Variants in AFP observed in about 807,000 individuals in gnomAD.
The protein encoded by AFP is alpha-fetoprotein.
In AFP, 64 loss-of-function variants were observed where a neutral mutation model predicts 78.9. The ratio of observed to expected loss-of-function variants is 0.81; its 90% CI spans 0.66 to 1.00. The LOEUF (loss-of-function observed/expected upper bound fraction) is 1.00, where lower values mean the gene tolerates loss of function less well. Ranked by LOEUF, AFP falls within the 50% of genes least tolerant of loss-of-function variation. AFP has a pLI of 0.00. For missense variants in AFP, 689 were observed against 703.8 expected, an observed-to-expected ratio of 0.98 and a Z score of 0.24; for synonymous variants, 254 against 243.8, an observed-to-expected ratio of 1.04 and a Z score of -0.39.
intron 2 of AFP, among the ~76,000 whole-genome samples, chr4:73,437,710 C>T (rs1719547226): frequency 6.6e-6 from 1 of 152,026 alleles, no homozygotes; most frequent in East Asian, 1.9e-4. Context: ...ACTCCTTGCA[C>T]ATCCAAACCT....
intron 1 of AFP, 60 bp from the exon 2 acceptor site, chr4:73,437,100 A>G (rs1264446342): frequency 3.2e-6 from 4 of 1,255,770 alleles, no homozygotes; most frequent in African/African-American, 1.5e-5. Flanking sequence ...ATATGTAACA[A>G]TGATTACTTT....
chr4:73,442,426 A>C lies in AFP; in HGVS notation c.613A>C (p.Lys205Gln). 1 of 1,614,072 alleles carries C rather than the reference A, an allele frequency of 6.2e-7. No individual in the cohort carries two copies. The highest frequency in any genetic ancestry group is 8.5e-7 in the Non-Finnish European group (1 of 1,179,960). Residue 205 changes from lysine (K) to glutamine (Q), a missense_variant and splice_region_variant, in exon 5 of 15, where the codon AAG becomes CAG. Coordinates refer to ENST00000395792, the MANE Select transcript of AFP (RefSeq NM_001134.3). The stretch of plus-strand genomic sequence containing the variant: ...AAATGCAGTTGAATGCTTCCAAACA[A>C]AGGTATCATATTTGCGTGGATATCT... ...AENAVECFQTKAATVTKELRE... is the reference protein window; with the variant it reads ...AENAVECFQTQAATVTKELRE...
At chr4:73,445,387 G>T (rs113264364) in intron 7 of AFP, among the ~76,000 whole-genome samples, 1 of 151,990 alleles carries the variant, frequency 6.6e-6, no homozygotes, top group Non-Finnish European at 1.5e-5. Flanking sequence ...TTCTCAGAAG[G>T]CTTCTCCATA....
chr4:73,440,903 C>T (rs1719642103), intron 4 of AFP, 90 bp downstream of exon 4: 2 of 1,188,362 alleles, frequency 1.7e-6, no homozygotes, highest in East Asian at 5.1e-5. Context: ...CTCATGTACT[C>T]CCAGTAAGAG....
intron 6 of AFP, among the ~76,000 whole-genome samples, chr4:73,444,184 A>G (rs1191965426): frequency 1.3e-5 from 2 of 152,148 alleles, no homozygotes; most frequent in Non-Finnish European, 2.9e-5. Context: ...TCTTCTTGTA[A>G]GAAGTCAGAT....
intron 6 of AFP, among the ~76,000 whole-genome samples, chr4:73,444,112 G>A (rs1719753311): frequency 6.6e-6 from 1 of 152,028 alleles, no homozygotes; most frequent in African/African-American, 2.4e-5. Flanking sequence ...AAAGCATATT[G>A]TAGACAATGG....
Position 73,444,999 on chromosome 4 carries a change from TACTAA to T in AFP, c.724_728del (p.Lys242GlufsTer8), listed in dbSNP as rs751714847. Reference sequence around the variant, plus strand: ...ATTTCTTTTTTTTCCCTAGAACTGTTACTAAACTGAGTCAGAAGTTTACCAAAGTT... The same window carrying T: ...ATTTCTTTTTTTTCCCTAGAACTGTTACTGAGTCAGAAGTTTACCAAAGTT... On this transcript the variant is annotated frameshift_variant, in exon 7 of 15. Transcript: ENST00000395792. LOFTEE classifies it high-confidence loss of function. 1 of 1,610,358 alleles carries T rather than the reference TACTAA, an allele frequency of 6.2e-7. No homozygotes were observed. Among genetic ancestry groups the T allele is most frequent in the East Asian group, 2.2e-5 (1 of 44,824 alleles).
chr4:73,442,529 C>T lies in AFP; in HGVS notation c.615+101C>T, dbSNP rs533220508. On this transcript the variant is annotated intron_variant, in intron 5 of 14. Transcript: ENST00000395792. ...AAACGTGCTTAATTGTGGAGAGTAT[C>T]GTTTTTGGAATAGAGAAATAGTTCA... 4.1e-5 allele frequency: 58 copies of T among 1,403,404 alleles called. No individual in the cohort carries two copies. In the African/African-American group the frequency reaches 7.6e-4, roughly 18 times the overall value. The allele number at this position is 1,403,404 out of a possible 1,614,324, so 86.9% of individuals were successfully genotyped here.
chr4:73,440,821 T>A lies in AFP; in HGVS notation c.482+8T>A, dbSNP rs1490768278. Reference sequence around the variant, plus strand: ...GGAGACATTCATGAACAAGTAAGGATCCAGTTTAAAGGTAGATGCAAACCT... The same window carrying A: ...GGAGACATTCATGAACAAGTAAGGAACCAGTTTAAAGGTAGATGCAAACCT... On this transcript the variant is annotated splice_region_variant and intron_variant, in intron 4 of 14. Transcript: ENST00000395792. 2 of 1,611,686 alleles carry A rather than the reference T, an allele frequency of 1.2e-6. No individual in the cohort carries two copies. The highest frequency in any genetic ancestry group is 1.3e-5 in the African/African-American group (1 of 74,874).
At chr4:73,443,474 G>T in intron 6 of AFP, 30 bp downstream of exon 6, 1 of 1,535,238 alleles carries the variant, frequency 6.5e-7, no homozygotes, top group Admixed American at 1.7e-5. Context: ...AGGGAAGAGG[G>T]TGAGAGCTAC....
At position 73,437,964 on chromosome 4, in the gene AFP, T is replaced by C. The variant is rs143807611; in HGVS notation, c.138-210T>C. 3.6e-3 allele frequency among the ~76,000 whole-genome samples: 546 copies of C among 152,186 alleles called. 2 individuals are homozygous for C. Among genetic ancestry groups the C allele is most frequent in the African/African-American group, 0.013 (526 of 41,542 alleles). On this transcript the variant is annotated intron_variant, in intron 2 of 14. Coordinates refer to ENST00000395792, the MANE Select transcript of AFP (RefSeq NM_001134.3). ...CTTATTTTAGCCTTTAACATCTATA[T>C]GTATATTTATGGCAAAAGAAAACAA...
chr4:73,453,964 A>G (rs1470084238), intron 13 of AFP, 67 bp downstream of exon 13: 1 of 1,573,774 alleles, frequency 6.4e-7, no homozygotes, highest in Non-Finnish European at 8.7e-7. Flanking sequence ...TAATGAAAGG[A>G]AGACCCTACA....
chr4:73,453,354 C>T lies in AFP; in HGVS notation c.1653-411C>T, dbSNP rs769890078. The T allele has an allele frequency of 1.9e-5, 4 of 211,424 alleles. No homozygotes were observed. In the East Asian group the frequency reaches 3.4e-4, roughly 18 times the overall value. 13.1% of individuals were successfully genotyped at this position (211,424 alleles called of 1,614,324 possible). A position where few individuals can be genotyped will look rare whatever the true frequency, so the allele number is the denominator to read the frequency against. On this transcript the variant is annotated intron_variant, in intron 12 of 14. Coordinates refer to ENST00000395792, the MANE Select transcript of AFP (RefSeq NM_001134.3). Reference sequence around the variant, plus strand: ...CAACATGAAAGGCTTGCTAAGTGAGCAGTGCAGGCAATTAGTGCTGCCAGT... The same window carrying T: ...CAACATGAAAGGCTTGCTAAGTGAGTAGTGCAGGCAATTAGTGCTGCCAGT...
chr4:73,436,248 A>T lies in AFP; in HGVS notation c.-15A>T, dbSNP rs781117277. The T allele has an allele frequency of 6.4e-7, 1 of 1,571,120 alleles. No homozygotes were observed. Among genetic ancestry groups the T allele is most frequent in the Non-Finnish European group, 8.8e-7 (1 of 1,142,316 alleles). On this transcript the variant is annotated 5_prime_UTR_variant, in exon 1 of 15. Coordinates refer to ENST00000395792, the MANE Select transcript of AFP (RefSeq NM_001134.3). Reference sequence around the variant, plus strand: ...TGTGCTTCCACCACTGCCAATAACAAAATAACTAGCAACCATGAAGTGGGT... The same window carrying T: ...TGTGCTTCCACCACTGCCAATAACATAATAACTAGCAACCATGAAGTGGGT...
In AFP at chr4:73,454,049, TA is replaced by T. The variant is rs953320457; in HGVS notation, c.1785+158del. The T allele has an allele frequency of 1.6e-5, 13 of 828,090 alleles. No individual in the cohort carries two copies. The African/African-American group carries it at 1.9e-4, about 12-fold the overall frequency. The allele number at this position is 828,090 out of a possible 1,614,324, so 51.3% of individuals were successfully genotyped here. A position where few individuals can be genotyped will look rare whatever the true frequency, so the allele number is the denominator to read the frequency against. ...GCAGATTGAGGGATTCTATAAGATT[TA>T]AAAAATAATCACATTTTCTTGCTTA... On this transcript the variant is annotated intron_variant, in intron 13 of 14. Transcript: ENST00000395792.
In AFP at chr4:73,443,410, A is replaced by G; in HGVS notation, c.679A>G (p.Met227Val). 6.2e-7 allele frequency: 1 copy of G among 1,613,682 alleles called. No individual in the cohort carries two copies. The highest frequency in any genetic ancestry group is 1.1e-5 in the South Asian group (1 of 91,056). ...SLLNQHACAV[M>V]KNFGTRTFQA... ...GTTAAATCAACATGCATGTGCAGTA[A>G]TGAAAAATTTTGGGACCCGAACTTT... The change falls in exon 6 of 15, where the codon ATG becomes GTG. Residue 227 changes from methionine to valine, a missense_variant. Transcript: ENST00000395792.
In AFP at chr4:73,438,635, T is replaced by C. The variant is rs550282042; in HGVS notation, c.270+329T>C. On this transcript the variant is annotated intron_variant, in intron 3 of 14. Transcript: ENST00000395792. ...AATAGCTCCCATTTCATAGTTAGCA[T>C]GGAAATTGATATAACAGCAATAGTA... 1.7e-3 allele frequency among the ~76,000 whole-genome samples: 264 copies of C among 152,244 alleles called. 1 individual carries two copies. The highest frequency in any genetic ancestry group is 6.8e-3 in the Middle Eastern group (2 of 294).
intron 12 of AFP, 129 bp downstream of exon 12, chr4:73,452,753 C>T (rs983616319): frequency 1.2e-6 from 1 of 801,240 alleles, no homozygotes; most frequent in African/African-American, 1.7e-5. Context: ...CTTAAAATGC[C>T]TTTGAAAATA....
rs73827495 is a variant in AFP at position 73,443,856 on chromosome 4, A to G, written c.713+412A>G. On this transcript the variant is annotated intron_variant, in intron 6 of 14. Coordinates refer to ENST00000395792, the MANE Select transcript of AFP (RefSeq NM_001134.3). ...ATTCTTTATATTAATTGTGTTTCTT[A>G]ATCTTCTATAAGGCTCTTTATAGCA... 5.6e-3 allele frequency among the ~76,000 whole-genome samples: 847 copies of G among 152,284 alleles called. 10 individuals carry two copies. Among genetic ancestry groups the G allele is most frequent in the African/African-American group, 0.019 (800 of 41,570 alleles).
Sources: gnomAD v4.1 joint callset for allele counts (sites outside exome capture counted in the v4.1 genomes callset) on GRCh38, gnomAD v4.1.1 for gene constraint, MANE v1.5 for transcripts, NCBI Gene and HGNC (gene_info 2026-07-23, HGNC 2026-07-21) for gene names.